DGKH: variants seen among roughly 807,000 people sequenced by gnomAD.
DGKH encodes DAG kinase eta.
Under a neutral mutation model 159.3 loss-of-function variants are expected in DGKH, and 90 were observed. That is an observed-to-expected ratio of 0.57 (90% CI 0.48 to 0.67). The LOEUF (loss-of-function observed/expected upper bound fraction) is 0.67, where lower values mean the gene tolerates loss of function less well. Ranked by LOEUF, DGKH falls within the 30% of genes least tolerant of loss-of-function variation. The pLI, the probability that DGKH is intolerant of heterozygous loss-of-function variation, is 0.00. For synonymous variants in DGKH, 536 were observed against 553.8 expected (o/e 0.97, Z 0.45); for missense variants, 1,181 against 1,506.1 (o/e 0.78, Z 3.57).
chr13:42,215,025 T>C (rs979122408), intron 25 of DGKH, among the ~76,000 whole-genome samples: 4 of 152,188 alleles, frequency 2.6e-5, no homozygotes, highest in African/African-American at 9.6e-5. Context: ...TCCTACTTCA[T>C]TTTGTTTTGC....
intron 29 of DGKH, among the ~76,000 whole-genome samples, chr13:42,221,648 A>G (rs965665720): frequency 2.0e-5 from 3 of 152,214 alleles, no homozygotes; most frequent in Non-Finnish European, 4.4e-5. Flanking sequence ...GCATCTAGTG[A>G]TATGACTGTT....
intron 1 of DGKH, among the ~76,000 whole-genome samples, chr13:42,055,979 A>T (rs1461515232): frequency 6.6e-6 from 1 of 152,228 alleles, no homozygotes; most frequent in Non-Finnish European, 1.5e-5. Context: ...AGGAGACCCC[A>T]TCTCTATAAA....
intron 3 of DGKH, among the ~76,000 whole-genome samples, chr13:42,139,252 A>G (rs1955479110): frequency 6.6e-6 from 1 of 152,200 alleles, no homozygotes; most frequent in Admixed American, 6.5e-5. Flanking sequence ...AGCCTTCCAG[A>G]AATCTTTCAA....
chr13:42,236,536 T>C lies in DGKH; in HGVS notation c.*7348T>C, dbSNP rs1242501608. Reference sequence around the variant, plus strand: ...TTTGCCAATATGTATTTTATCTTCATGTCACAACTTATTTTCTGTAGCCAA... The same window carrying C: ...TTTGCCAATATGTATTTTATCTTCACGTCACAACTTATTTTCTGTAGCCAA... On this transcript the variant is annotated 3_prime_UTR_variant, in exon 30 of 30. Coordinates refer to ENST00000337343, the MANE Select transcript of DGKH (RefSeq NM_178009.5). The C allele has an allele frequency of 6.6e-6, 1 of 152,240 alleles. No homozygotes were observed. The highest frequency in any genetic ancestry group is 1.5e-5 in the Non-Finnish European group (1 of 68,034). The allele number at this position is 152,240 out of a possible 1,614,324, so 9.4% of individuals were successfully genotyped here.
In DGKH at chr13:42,203,827, C is replaced by T. The variant is rs551290212; in HGVS notation, c.2494-2212C>T. Among the ~76,000 whole-genome samples the T allele has an allele frequency of 4.6e-5, 7 of 152,180 alleles. No homozygotes were observed. In the East Asian group the frequency reaches 1.4e-3, roughly 29 times the overall value. ...TATCCTGAGCGACAGAGCAAGACCA[C>T]ATCTCTCAAAAAGAATAAATAAATA... On this transcript the variant is annotated intron_variant, in intron 20 of 29. Transcript: ENST00000337343.
chr13:42,054,790 G>A (rs770109168), intron 1 of DGKH, among the ~76,000 whole-genome samples: 3 of 151,900 alleles, frequency 2.0e-5, no homozygotes, highest in South Asian at 2.1e-4. Flanking sequence ...ATATTAATTC[G>A]CTTGATTTAA....
chr13:42,181,401 C>T (rs1956759371), intron 13 of DGKH: 1 of 155,040 alleles, frequency 6.4e-6, no homozygotes, highest in Non-Finnish European at 1.5e-5. Context: ...CTATCTGTTA[C>T]ATTTTTATGC....
chr13:42,075,083 T>G (rs558401106), intron 1 of DGKH, among the ~76,000 whole-genome samples: 2 of 152,308 alleles, frequency 1.3e-5, no homozygotes, highest in East Asian at 3.9e-4. Flanking sequence ...AATTTTAAAA[T>G]AGAGATACAT....
chr13:42,140,891 A>G (rs1955531234), intron 3 of DGKH: 1 of 151,812 alleles, frequency 6.6e-6, no homozygotes, highest in Non-Finnish European at 1.5e-5. Flanking sequence ...AGCTACTGGC[A>G]GTAAAAAAAT....
intron 29 of DGKH, among the ~76,000 whole-genome samples, chr13:42,228,628 G>A (rs1187896550): frequency 6.7e-6 from 1 of 148,998 alleles, no homozygotes. Context: ...GAGGGAGAGA[G>A]AGAAGAAAAA....
intron 1 of DGKH, among the ~76,000 whole-genome samples, chr13:42,057,596 C>T (rs1385329465): frequency 1.3e-5 from 2 of 152,158 alleles, no homozygotes; most frequent in South Asian, 2.1e-4. Flanking sequence ...CCTGTGTGCT[C>T]CTTCTCAGTT....
intron 13 of DGKH, chr13:42,181,767 G>A: frequency 1.4e-6 from 1 of 726,488 alleles, no homozygotes; most frequent in Non-Finnish European, 2.1e-6. Context: ...CATCAGACCT[G>A]GCTGCCAGGA....
chr13:42,226,214 A>G (rs930690157), intron 29 of DGKH, among the ~76,000 whole-genome samples: 4 of 152,248 alleles, frequency 2.6e-5, no homozygotes, highest in Non-Finnish European at 4.4e-5. Context: ...ATCAGTGATC[A>G]TTAGAGAAGT....
At chr13:42,112,941 C>T (rs1954892102) in intron 1 of DGKH, among the ~76,000 whole-genome samples, 1 of 152,204 alleles carries the variant, frequency 6.6e-6, no homozygotes, top group South Asian at 2.1e-4. Flanking sequence ...AGTACCCATG[C>T]AGCTCTTATT....
At chr13:42,159,510 T>A in intron 6 of DGKH, 138 bp downstream of exon 6, 1 of 708,604 alleles carries the variant, frequency 1.4e-6, no homozygotes. Flanking sequence ...GAGTTTTTAT[T>A]TTTAATTCAA....
chr13:42,106,072 A>G (rs1421727843), intron 1 of DGKH, among the ~76,000 whole-genome samples: 1 of 151,924 alleles, frequency 6.6e-6, no homozygotes, highest in Admixed American at 6.6e-5. Context: ...CAGTGGCACA[A>G]TCTTGGCTCA....
chr13:42,070,569 T>C (rs56262049), intron 1 of DGKH: 267,862 of 1,547,064 alleles, frequency 0.17, 24,462 homozygotes, highest in East Asian at 0.27. Flanking sequence ...CCATGATCCG[T>C]GCAAGACCAA....
chr13:42,217,204 ATATTCT>A (rs1308786727), intron 26 of DGKH, among the ~76,000 whole-genome samples: 1 of 152,232 alleles, frequency 6.6e-6, no homozygotes, highest in Non-Finnish European at 1.5e-5. Context: ...TTTATAACAC[ATATTCT>A]TAGACTAAAC....
downstream of DGKH, among the ~76,000 whole-genome samples, chr13:42,245,824 C>A (rs1958576642): frequency 6.6e-6 from 1 of 152,084 alleles, no homozygotes; most frequent in Non-Finnish European, 1.5e-5. Context: ...ACCTCATGAT[C>A]CGCCTGCCTC....
Sources: allele counts gnomAD v4.1 joint callset (sites outside exome capture counted in the v4.1 genomes callset), GRCh38; gene constraint gnomAD v4.1.1; transcripts MANE v1.5; gene names NCBI Gene and HGNC (gene_info 2026-07-23, HGNC 2026-07-21).